The following C9orf57 variants were observed in gnomAD, a reference collection of about 807,000 sequenced individuals.
C9orf57 encodes the protein chromosome 9 open reading frame 57.
In C9orf57, 12 loss-of-function variants were observed where a neutral mutation model predicts 12.9. That is an observed-to-expected ratio of 0.93 (90% CI 0.60 to 1.51). The LOEUF is 1.51. Ranked by LOEUF, C9orf57 falls within the 40% of genes most tolerant of loss-of-function variation. The pLI is 0.00. For missense variants in C9orf57, 141 were observed against 162.8 expected, an observed-to-expected ratio of 0.87 and a Z score of 0.73; for synonymous variants, 49 against 57.1, an observed-to-expected ratio of 0.86 and a Z score of 0.64.
chr9:72,054,694 T>C (rs2132433264), intron 4 of C9orf57, among the ~76,000 whole-genome samples: 1 of 152,268 alleles, frequency 6.6e-6, no homozygotes, highest in South Asian at 2.1e-4. Flanking sequence ...GCCTTCCTAC[T>C]TCCTTTAATA....
At chr9:72,059,831 T>TAAAC (rs1824292531) in intron 1 of C9orf57, among the ~76,000 whole-genome samples, 2 of 152,022 alleles carry the variant, frequency 1.3e-5, no homozygotes, top group African/African-American at 4.8e-5. Flanking sequence ...AATAAATAAA[T>TAAAC]AAACCCATAA....
intron 2 of C9orf57, among the ~76,000 whole-genome samples, chr9:72,058,773 G>A (rs551917782): frequency 2.8e-4 from 43 of 152,274 alleles, no homozygotes; most frequent in African/African-American, 1.0e-3. Flanking sequence ...AACCTTTGTT[G>A]ATGATTTTCC....
At chr9:72,054,555 G>GT (rs201297342) in intron 4 of C9orf57, among the ~76,000 whole-genome samples, 1 of 152,052 alleles carries the variant, frequency 6.6e-6, no homozygotes, top group Non-Finnish European at 1.5e-5. Context: ...AAACTTTTAT[G>GT]TTTTTTACCA....
intron 2 of C9orf57, 79 bp from the exon 3 acceptor site, chr9:72,056,922 T>TC: frequency 7.8e-7 from 1 of 1,277,634 alleles, no homozygotes. Flanking sequence ...CTTTTTTTTT[T>TC]TTTTGAGACA....
At position 72,051,669 on chromosome 9, in the gene C9orf57, G is replaced by A. The variant is rs1163750635; in HGVS notation, c.*627C>T. On this transcript the variant is annotated 3_prime_UTR_variant, in exon 5 of 5. Transcript: ENST00000651200. ...AAGCATTTAGGCATGGTTAAGGTAC[G>A]GAAAATTCAAAATTTGGATAAACTC... 1 of 152,146 alleles carries A rather than the reference G, an allele frequency of 6.6e-6. No homozygotes were observed. The highest frequency in any genetic ancestry group is 2.4e-5 in the African/African-American group (1 of 41,416). 9.4% of individuals were successfully genotyped at this position (152,146 alleles called of 1,614,324 possible).
rs571883701 is a variant in C9orf57 at position 72,055,108 on chromosome 9, A to T, written c.280+966T>A. Among the ~76,000 whole-genome samples the T allele has an allele frequency of 4.0e-3, 504 of 125,462 alleles. 2 individuals are homozygous for T. Among genetic ancestry groups the T allele is most frequent in the East Asian group, 0.023 (114 of 4,956 alleles). The allele number at this position is 125,462 out of a possible 152,430, so 82.3% of individuals were successfully genotyped here. A position where few individuals can be genotyped will look rare whatever the true frequency, so the allele number is the denominator to read the frequency against. Reference sequence around the variant, plus strand: ...GCGCGACTAATTTTTATATATATATATTTTTTTTTGTAGAGACAGGGCTTC... The same window carrying T: ...GCGCGACTAATTTTTATATATATATTTTTTTTTTTGTAGAGACAGGGCTTC... On this transcript the variant is annotated intron_variant, in intron 4 of 4. Transcript: ENST00000651200.
At position 72,055,549 on chromosome 9, in the gene C9orf57, C is replaced by T. The variant is rs567770849; in HGVS notation, c.280+525G>A. Among the ~76,000 whole-genome samples the T allele has an allele frequency of 1.6e-4, 24 of 152,072 alleles. 1 individual carries two copies. The highest frequency in any genetic ancestry group is 2.6e-4 in the Non-Finnish European group (18 of 67,994). ...GGGTGATCCTCCCACCTGGCCTCCC[C>T]GGTAGCTGGGACTGCTACAGGTGTG... On this transcript the variant is annotated intron_variant, in intron 4 of 4. Transcript: ENST00000651200.
intron 1 of C9orf57, 70 bp downstream of exon 1, chr9:72,060,427 A>T: frequency 1.3e-6 from 1 of 793,508 alleles, no homozygotes; most frequent in Non-Finnish European, 2.2e-6. Context: ...GATAGTTAAT[A>T]CTTATTAAAA....
Position 72,060,357 on chromosome 9 carries a change from A to G in C9orf57, c.-54+140T>C, listed in dbSNP as rs199859489. On this transcript the variant is annotated intron_variant, in intron 1 of 4. Transcript: ENST00000651200. ...ACCACGCCCGGCCTATGAATTATTA[A>G]TAATACTTTCACTGCAAAAGACCTT... is the stretch of plus-strand genomic sequence containing the variant. 1.8e-4 allele frequency: 110 copies of G among 612,788 alleles called. 1 individual carries two copies. In the East Asian group the frequency reaches 2.9e-3, roughly 16 times the overall value. 38.0% of individuals were successfully genotyped at this position (612,788 alleles called of 1,614,324 possible). A position where few individuals can be genotyped will look rare whatever the true frequency, so the allele number is the denominator to read the frequency against.
intron 2 of C9orf57, 108 bp from the exon 3 acceptor site, chr9:72,056,951 C>A (rs1169195709): frequency 1.2e-6 from 1 of 869,342 alleles, no homozygotes; most frequent in East Asian, 2.8e-5. Flanking sequence ...CTCCTGTTAC[C>A]CAGGCTGGAG....
At chr9:72,054,405 A>G (rs1050689760) in intron 4 of C9orf57, among the ~76,000 whole-genome samples, 1 of 152,212 alleles carries the variant, frequency 6.6e-6, no homozygotes, top group African/African-American at 2.4e-5. Context: ...CAAGAAATAG[A>G]ATTGCTTTGT....
chr9:72,052,175 T>C lies in C9orf57; in HGVS notation c.*121A>G, dbSNP rs1824094292. On this transcript the variant is annotated 3_prime_UTR_variant, in exon 5 of 5. Coordinates refer to ENST00000651200, the MANE Select transcript of C9orf57 (RefSeq NM_001128618.2). ...GTCAATTTCAGATCAAAATTCCTTC[T>C]ACCTACAAGGGTCTGAGGTTTCTGA... is the stretch of plus-strand genomic sequence containing the variant. 26 of 1,085,408 alleles carry C rather than the reference T, an allele frequency of 2.4e-5. 1 individual carries two copies. The South Asian group carries it at 4.0e-4, about 17-fold the overall frequency. 67.2% of individuals were successfully genotyped at this position (1,085,408 alleles called of 1,614,324 possible). A position where few individuals can be genotyped will look rare whatever the true frequency, so the allele number is the denominator to read the frequency against.
At chr9:72,057,522 G>T (rs1824234033) in intron 2 of C9orf57, among the ~76,000 whole-genome samples, 1 of 152,074 alleles carries the variant, frequency 6.6e-6, no homozygotes, top group South Asian at 2.1e-4. Context: ...CATCGCACCA[G>T]GCTAAAATTA....
rs377108402 is a variant in C9orf57 at position 72,052,367 on chromosome 9, C to T, written c.349G>A (p.Val117Ile). Residue 117 changes from valine to isoleucine, a missense_variant, in exon 5 of 5, where the codon GTC (valine) becomes ATC (isoleucine). By Grantham distance (29) the Val-to-Ile change is conservative (BLOSUM62 3). Coordinates refer to ENST00000651200, the MANE Select transcript of C9orf57 (RefSeq NM_001128618.2). ...NTSECFKSTL[V>I]KRILQLHELV... ...TCATGCAGTTGCAGAATTCTCTTGA[C>T]GAGAGTACTCTTGAAGCACTCTGAT... The T allele has an allele frequency of 8.4e-5, 130 of 1,551,958 alleles. No individual in the cohort carries two copies. Among genetic ancestry groups the T allele is most frequent in the East Asian group, 7.6e-4 (31 of 40,922 alleles).
intron 3 of C9orf57, 47 bp from the exon 4 acceptor site, chr9:72,056,243 G>A: frequency 6.7e-7 from 1 of 1,485,704 alleles, no homozygotes; most frequent in Non-Finnish European, 9.0e-7. Flanking sequence ...ATAGATACGA[G>A]AGAGAAAACG....
intron 2 of C9orf57, among the ~76,000 whole-genome samples, 188 bp from the exon 3 acceptor site, chr9:72,057,031 G>A (rs1332574994): frequency 2.7e-5 from 4 of 147,444 alleles, no homozygotes; most frequent in Non-Finnish European, 1.5e-5. Flanking sequence ...CTCCCACTTC[G>A]GCCTCCCAAG....
chr9:72,059,802 C>T (rs1824291917), intron 1 of C9orf57, among the ~76,000 whole-genome samples: 1 of 152,092 alleles, frequency 6.6e-6, no homozygotes, highest in Admixed American at 6.6e-5. Flanking sequence ...GCCTGGGGGA[C>T]AGAGCGAGAC....
intron 1 of C9orf57, 99 bp downstream of exon 1, chr9:72,060,398 G>T: frequency 1.4e-6 from 1 of 699,328 alleles, no homozygotes; most frequent in Non-Finnish European, 2.6e-6. Flanking sequence ...TGAGGGAAAA[G>T]CATTATGTGA....
intron 2 of C9orf57, among the ~76,000 whole-genome samples, chr9:72,058,451 G>A (rs908415684): frequency 1.3e-5 from 2 of 151,992 alleles, no homozygotes; most frequent in Non-Finnish European, 1.5e-5. Flanking sequence ...GTGAGCCACC[G>A]CGGCCAGCCT....
Sources: allele counts gnomAD v4.1 joint callset (sites outside exome capture counted in the v4.1 genomes callset), GRCh38; gene constraint gnomAD v4.1.1; transcripts MANE v1.5; gene names NCBI Gene and HGNC (gene_info 2026-07-23, HGNC 2026-07-21).